The following IL12RB2 variants were observed in gnomAD, a reference collection of about 807,000 sequenced individuals.
IL12RB2 encodes interleukin 12 receptor subunit beta 2, also known as interleukin-12 receptor subunit beta-2.
IL12RB2 carries 82 observed loss-of-function variants against 89.4 expected under a neutral mutation model. That is an observed-to-expected ratio of 0.92 (90% CI 0.77 to 1.10). The LOEUF (loss-of-function observed/expected upper bound fraction) is 1.10, where lower values mean the gene tolerates loss of function less well. IL12RB2 is among the 50% of genes least tolerant of loss of function. IL12RB2 has a pLI of 0.00. For synonymous variants in IL12RB2, 368 were observed against 370.1 expected (o/e 0.99, Z 0.07); for missense variants, 963 against 1,031.9 (o/e 0.93, Z 0.92).
At chr1:67,382,708 A>ATT (rs10693344) in intron 14 of IL12RB2, among the ~76,000 whole-genome samples, 7,920 of 134,784 alleles carry the variant, frequency 0.059, 361 homozygotes, top group African/African-American at 0.081. Context: ...CCAACTCTAC[A>ATT]TTTTTTTTTT....
chr1:67,323,172 T>C (rs973547593), intron 4 of IL12RB2, among the ~76,000 whole-genome samples: 1 of 152,136 alleles, frequency 6.6e-6, no homozygotes, highest in African/African-American at 2.4e-5. Flanking sequence ...CCAGGTGATT[T>C]TCCTGGAGGG....
In IL12RB2 at chr1:67,321,666, C is replaced by A. The variant is rs777622044; in HGVS notation, c.141C>A (p.Val47=). ...ATGTAATTTTACTTGGATCCACTGT[C>A]AATATTACATGCTCTTTGAAGCCCA... is the stretch of plus-strand genomic sequence containing the variant. ...PSHVILLGST[V]NITCSLKPRQ... Residue 47 remains valine (V), a synonymous_variant, in exon 4 of 17, where the codon GTC becomes GTA. Transcript: ENST00000674203. 6.2e-7 allele frequency: 1 copy of A among 1,600,856 alleles called. No individual in the cohort carries two copies. The highest frequency in any genetic ancestry group is 2.2e-5 in the East Asian group (1 of 44,816).
intron 9 of IL12RB2, among the ~76,000 whole-genome samples, chr1:67,347,018 C>T (rs1454960021): frequency 6.6e-6 from 1 of 152,150 alleles, no homozygotes; most frequent in Non-Finnish European, 1.5e-5. Flanking sequence ...TCCCTTAACT[C>T]ATTGAATGCT....
intron 10 of IL12RB2, among the ~76,000 whole-genome samples, chr1:67,357,174 T>A (rs750073477): frequency 6.6e-6 from 1 of 152,092 alleles, no homozygotes; most frequent in African/African-American, 2.4e-5. Context: ...CTGGCCAACA[T>A]GGCAAAACCC....
chr1:67,372,930 CTGAA>C (rs1026919587), intron 13 of IL12RB2, 147 bp downstream of exon 13: 8 of 713,500 alleles, frequency 1.1e-5, no homozygotes, highest in South Asian at 4.5e-5. Flanking sequence ...GTAAAGTTAA[CTGAA>C]TGAAGAATTA....
chr1:67,335,221 G>C (rs1658611268), intron 8 of IL12RB2, among the ~76,000 whole-genome samples: 1 of 152,198 alleles, frequency 6.6e-6, no homozygotes, highest in Non-Finnish European at 1.5e-5. Context: ...GTCCAGCAGA[G>C]AAGGAGAAAT....
intron 10 of IL12RB2, among the ~76,000 whole-genome samples, chr1:67,367,488 C>A (rs12410109): frequency 1.3e-3 from 34 of 25,806 alleles, no homozygotes; most frequent in East Asian, 2.2e-3. Flanking sequence ...AGGAAGGAAG[C>A]AAAGAAGGAA....
Position 67,329,645 on chromosome 1 carries a change from A to G in IL12RB2, c.723A>G (p.Arg241=). Reference sequence around the variant, plus strand: ...AATTTCAAAAGGCTTCTGTGAGCAGATGTACCCTTTATTGGAGAGATGAGG... The same window carrying G: ...AATTTCAAAAGGCTTCTGTGAGCAGGTGTACCCTTTATTGGAGAGATGAGG... ...RIKFQKASVS[R]CTLYWRDEGL... The change falls in exon 7 of 17, where the codon AGA becomes AGG. Residue 241 remains arginine, a synonymous_variant. Transcript: ENST00000674203. 1.9e-6 allele frequency: 3 copies of G among 1,567,160 alleles called. No individual in the cohort carries two copies. The highest frequency in any genetic ancestry group is 2.2e-5 in the East Asian group (1 of 44,660).
At position 67,321,845 on chromosome 1, in the gene IL12RB2, A is replaced by C. The variant is rs926407413; in HGVS notation, c.320A>C (p.Asn107Thr). The C allele has an allele frequency of 6.2e-7, 1 of 1,614,034 alleles. No individual in the cohort carries two copies. The highest frequency in any genetic ancestry group is 8.5e-7 in the Non-Finnish European group (1 of 1,179,880). The change falls in exon 4 of 17, where the codon AAT (asparagine) becomes ACT (threonine). Residue 107 changes from asparagine to threonine, a missense_variant. Coordinates refer to ENST00000674203, the MANE Select transcript of IL12RB2 (RefSeq NM_001374259.2). ...TTTGTCTGCAAACTGGCCTGTATCA[A>C]TAGTGATGAAATTCAAATATGTGGA... Reference protein sequence around the residue: ...TLFVCKLACINSDEIQICGAE... With the variant: ...TLFVCKLACITSDEIQICGAE...
rs763793640 is a variant in IL12RB2, at chr1:67,328,269, T to A, written c.549T>A (p.Phe183Leu). ...ACATTTATTGTGACTATTTGGACTTTGGAATCAACCTCACCCCTGAATCAC... is the reference window on the plus strand; with the variant it reads ...ACATTTATTGTGACTATTTGGACTTAGGAATCAACCTCACCCCTGAATCAC... ...CKDIYCDYLD[F>L]GINLTPESPE... Residue 183 changes from phenylalanine (F) to leucine (L), a missense_variant, in exon 6 of 17, where the codon TTT becomes TTA. Transcript: ENST00000674203. The A allele has an allele frequency of 5.0e-6, 8 of 1,614,208 alleles. 1 individual carries two copies. In the South Asian group the frequency reaches 8.8e-5, roughly 18 times the overall value.
rs17435475 is a variant in IL12RB2, at chr1:67,362,314, C to T, written c.1259-5511C>T. The stretch of plus-strand genomic sequence containing the variant: ...GGGCGCGGTGGCTCACGCCTGTAAT[C>T]CCAGCACTTTGGGAGGCCGAGGCGG... On this transcript the variant is annotated intron_variant, in intron 10 of 16. Transcript: ENST00000674203. 2.6e-3 allele frequency among the ~76,000 whole-genome samples: 394 copies of T among 151,626 alleles called. 2 individuals carry two copies. Among genetic ancestry groups the T allele is most frequent in the African/African-American group, 9.2e-3 (380 of 41,354 alleles).
At chr1:67,320,163 G>A (rs564180180) in intron 2 of IL12RB2, among the ~76,000 whole-genome samples, 170 bp from the exon 3 acceptor site, 9 of 152,210 alleles carry the variant, frequency 5.9e-5, no homozygotes, top group African/African-American at 2.2e-4. Context: ...TTTGGAAGGT[G>A]GCTAAGATAT....
At chr1:67,338,454 A>G (rs1343773651) in intron 8 of IL12RB2, among the ~76,000 whole-genome samples, 170 bp from the exon 9 acceptor site, 4 of 150,926 alleles carry the variant, frequency 2.7e-5, no homozygotes, top group African/African-American at 9.7e-5. Flanking sequence ...TTTTTGGCCA[A>G]AGATATATAT....
rs78127347 is a variant in IL12RB2, at chr1:67,328,665, C to T, written c.664+281C>T. On this transcript the variant is annotated intron_variant, in intron 6 of 16. Transcript: ENST00000674203. ...AAAGAACCAGCTACTAATGATACCA[C>T]CTGACTGAGGAGAGGGTCCTGTGAG... is the stretch of plus-strand genomic sequence containing the variant. Among the ~76,000 whole-genome samples the T allele has an allele frequency of 3.4e-3, 514 of 152,266 alleles. 4 individuals are homozygous for T. Among genetic ancestry groups the T allele is most frequent in the African/African-American group, 0.011 (453 of 41,542 alleles).
chr1:67,379,934 T>C (rs1664401296), intron 13 of IL12RB2, 52 bp from the exon 14 acceptor site: 2 of 1,357,260 alleles, frequency 1.5e-6, no homozygotes, highest in African/African-American at 1.4e-5. Context: ...GAAGCCTACA[T>C]TAAAAGCCAT....
chr1:67,388,448 C>T (rs992455895), intron 15 of IL12RB2, among the ~76,000 whole-genome samples: 4 of 152,086 alleles, frequency 2.6e-5, no homozygotes, highest in African/African-American at 9.7e-5. Context: ...TGGGTTCAAT[C>T]GATTCTCCTG....
At chr1:67,365,653 AG>A (rs759661331) in intron 10 of IL12RB2, among the ~76,000 whole-genome samples, 31 of 152,300 alleles carry the variant, frequency 2.0e-4, no homozygotes, top group Non-Finnish European at 2.8e-4. Context: ...GGTATATTAC[AG>A]GGATGAGATG....
intron 9 of IL12RB2, among the ~76,000 whole-genome samples, chr1:67,347,793 A>G (rs1360779852): frequency 6.6e-6 from 1 of 152,198 alleles, no homozygotes; most frequent in African/African-American, 2.4e-5. Context: ...CAGAGAAGGA[A>G]AAAGAGGTGG....
In IL12RB2 at chr1:67,318,672, G is replaced by A. The variant is rs553178437; in HGVS notation, c.-36-1661G>A. ...TTCGCTGAGATAGAAAAGGCTGAAG[G>A]AAGAATGAATTTGGAGAAAGGGTGC... On this transcript the variant is annotated intron_variant, in intron 2 of 16. Transcript: ENST00000674203. 2.0e-5 allele frequency among the ~76,000 whole-genome samples: 3 copies of A among 152,220 alleles called. No homozygotes were observed. The South Asian group carries it at 6.2e-4, about 32-fold the overall frequency.
Sources: allele counts gnomAD v4.1 joint callset (sites outside exome capture counted in the v4.1 genomes callset), GRCh38; gene constraint gnomAD v4.1.1; transcripts MANE v1.5; gene names NCBI Gene and HGNC (gene_info 2026-07-23, HGNC 2026-07-21).